Variants in NRXN3 observed in about 807,000 individuals in gnomAD.
The protein encoded by NRXN3 is neurexin 3.
A neutral mutation model predicts 137.6 loss-of-function variants in NRXN3; 32 were observed. The observed-to-expected ratio is 0.23, with a 90% confidence interval of 0.18 to 0.31. The LOEUF (loss-of-function observed/expected upper bound fraction) is 0.31. Ranked by LOEUF, NRXN3 falls within the 10% of genes least tolerant of loss-of-function variation. The pLI, the probability that NRXN3 is intolerant of heterozygous loss-of-function variation, is 1.00. For missense variants in NRXN3, 1,574 were observed against 2,062.5 expected (o/e 0.76, Z 4.59); for synonymous variants, 798 against 784.5 (o/e 1.02, Z -0.29).
rs10599873 is a variant in NRXN3 at position 79,761,684 on chromosome 14, CAAAAAA to C, written c.4015-43408_4015-43403del. The stretch of plus-strand genomic sequence containing the variant: ...CTGGCAACAAAGCGAGACTCTGTCT[CAAAAAA>C]AAAAAAAAAAAAAAAAAAATAGATC... On this transcript the variant is annotated intron_variant, in intron 19 of 20. Transcript: ENST00000335750. 2.5e-5 allele frequency among the ~76,000 whole-genome samples: 2 copies of C among 78,906 alleles called. 1 individual carries two copies. The highest frequency in any genetic ancestry group is 1.1e-4 in the African/African-American group (2 of 18,892). 51.8% of individuals were successfully genotyped at this position (78,906 alleles called of 152,430 possible).
chr14:78,804,313 G>C (rs2098848238), intron 9 of NRXN3, among the ~76,000 whole-genome samples: 1 of 152,176 alleles, frequency 6.6e-6, no homozygotes, highest in Non-Finnish European at 1.5e-5. Context: ...TATTCAAATG[G>C]AGAATTCTGG....
At chr14:79,761,381 A>T (rs1208303781) in intron 19 of NRXN3, among the ~76,000 whole-genome samples, 1 of 151,650 alleles carries the variant, frequency 6.6e-6, no homozygotes, top group Non-Finnish European at 1.5e-5. Flanking sequence ...AGAGAACTGC[A>T]TTCTATTTTT....
At chr14:78,844,717 C>T (rs571154018) in intron 10 of NRXN3, among the ~76,000 whole-genome samples, 1 of 152,000 alleles carries the variant, frequency 6.6e-6, no homozygotes, top group Non-Finnish European at 1.5e-5. Flanking sequence ...CTGGCCTATA[C>T]TTAGTTAAGA....
chr14:79,227,808 C>CCTT, intron 15 of NRXN3, among the ~76,000 whole-genome samples: 1 of 79,250 alleles, frequency 1.3e-5, no homozygotes, highest in South Asian at 5.7e-4. Flanking sequence ...CTCCCTTCCT[C>CCTT]CCTCCCTTCC....
chr14:79,153,648 G>T (rs2059996429), intron 15 of NRXN3, among the ~76,000 whole-genome samples: 1 of 151,876 alleles, frequency 6.6e-6, no homozygotes. Flanking sequence ...AGGTTTCTCA[G>T]GAGAACATAC....
At chr14:79,584,638 G>A (rs1000619453) in intron 16 of NRXN3, among the ~76,000 whole-genome samples, 1 of 152,190 alleles carries the variant, frequency 6.6e-6, no homozygotes. Context: ...TCGGAGAATA[G>A]ATTATTTCTC....
intron 10 of NRXN3, among the ~76,000 whole-genome samples, chr14:78,834,077 G>C (rs541483406): frequency 6.6e-6 from 1 of 152,178 alleles, no homozygotes; most frequent in Non-Finnish European, 1.5e-5. Context: ...AGGACAGAAA[G>C]AATGTATGTA....
At chr14:78,322,378 C>A (rs2079492339) in intron 4 of NRXN3, among the ~76,000 whole-genome samples, 1 of 151,952 alleles carries the variant, frequency 6.6e-6, no homozygotes, top group Non-Finnish European at 1.5e-5. Flanking sequence ...ACATCCTTTG[C>A]CTTGCTCTTG....
rs17757028 is a variant in NRXN3 at position 78,628,691 on chromosome 14, A to G, written c.758-16429A>G. On this transcript the variant is annotated intron_variant, in intron 4 of 20. Transcript: ENST00000335750. ...CATAAAGGATATGTAATCTGGTTAT[A>G]TTGGTAGTTCTGCTGTCTTGCCATA... is the stretch of plus-strand genomic sequence containing the variant. 8.5e-3 allele frequency among the ~76,000 whole-genome samples: 1,299 copies of G among 152,294 alleles called. 9 individuals are homozygous for G. The highest frequency in any genetic ancestry group is 0.015 in the Non-Finnish European group (1,001 of 68,028).
chr14:78,494,073 T>G (rs1169934168), intron 4 of NRXN3, among the ~76,000 whole-genome samples: 1 of 152,214 alleles, frequency 6.6e-6, no homozygotes, highest in East Asian at 1.9e-4. Flanking sequence ...TTAAAGAGAC[T>G]GCTGCCAGAA....
rs192641505 is a variant in NRXN3, at chr14:79,739,864, A to G, written c.4014+41927A>G. Among the ~76,000 whole-genome samples, 373 of 152,186 alleles carry G rather than the reference A, an allele frequency of 2.5e-3. 2 individuals carry two copies. The highest frequency in any genetic ancestry group is 1.3e-3 in the Non-Finnish European group (91 of 68,004). The stretch of plus-strand genomic sequence containing the variant: ...CCTGTTTCAAAGAATACCATCTTTA[A>G]TGTCTTTCACAGGTACCTATCCTCC... On this transcript the variant is annotated intron_variant, in intron 19 of 20. Coordinates refer to ENST00000335750, the MANE Select transcript of NRXN3 (RefSeq NM_001330195.2).
rs867090473 is a variant in NRXN3 at position 79,035,535 on chromosome 14, A to G, written c.3262+47394A>G. Among the ~76,000 whole-genome samples the G allele has an allele frequency of 4.6e-5, 7 of 152,242 alleles. No homozygotes were observed. The Middle Eastern group carries it at 0.024, about 518-fold the overall frequency. On this transcript the variant is annotated intron_variant, in intron 15 of 20. Transcript: ENST00000335750. ...AGATTTTTGGTAAAATATGCTATAT[A>G]CTTATACAGCATCTTAATCTCAGAA...
intron 6 of NRXN3, among the ~76,000 whole-genome samples, chr14:78,698,986 T>C (rs984513763): frequency 6.6e-6 from 1 of 152,068 alleles, no homozygotes; most frequent in Non-Finnish European, 1.5e-5. Context: ...GTGATTTTCC[T>C]TGCTCTTCTT....
rs144258719 is a variant in NRXN3 at position 78,651,239 on chromosome 14, C to T, written c.1134C>T (p.Asp378=). Residue 378 remains aspartate, a synonymous_variant, in exon 6 of 21, where the codon GAC becomes GAT. Coordinates refer to ENST00000335750, the MANE Select transcript of NRXN3 (RefSeq NM_001330195.2). The stretch of plus-strand genomic sequence containing the variant: ...AGGACTATACCATGCTGGGCTCGGA[C>T]GACTTCTTCTATGTAGGAGGAAGCC... ...TQEDYTMLGS[D]DFFYVGGSPS... 2.5e-4 allele frequency: 399 copies of T among 1,613,984 alleles called. 3 individuals carry two copies. In the Admixed American group the frequency reaches 4.2e-3, roughly 17 times the overall value.
At chr14:79,412,782 C>CAAAAAAAAA (rs71103803) in intron 15 of NRXN3, among the ~76,000 whole-genome samples, 2 of 59,738 alleles carry the variant, frequency 3.3e-5, no homozygotes, top group African/African-American at 6.4e-5. Flanking sequence ...GACTCTGTCT[C>CAAAAAAAAA]AAAAAAAAAA....
At chr14:78,291,857 C>A (rs1298052331) in intron 3 of NRXN3, among the ~76,000 whole-genome samples, 1 of 152,176 alleles carries the variant, frequency 6.6e-6, no homozygotes, top group African/African-American at 2.4e-5. Flanking sequence ...ACTCTGAAAG[C>A]GAGTGAAATA....
intron 16 of NRXN3, among the ~76,000 whole-genome samples, chr14:79,591,123 T>C (rs557489852): frequency 6.6e-6 from 1 of 152,360 alleles, no homozygotes; most frequent in South Asian, 2.1e-4. Context: ...AAGAGCTTTG[T>C]TATAAATTTA....
chr14:78,637,517 T>C (rs2097577569), intron 4 of NRXN3, among the ~76,000 whole-genome samples: 1 of 152,220 alleles, frequency 6.6e-6, no homozygotes, highest in Admixed American at 6.5e-5. Context: ...CCAAGAACTT[T>C]ATTGTATTCC....
chr14:78,636,603 T>TC (rs2097569236), intron 4 of NRXN3, among the ~76,000 whole-genome samples: 3 of 152,050 alleles, frequency 2.0e-5, no homozygotes, highest in Non-Finnish European at 4.4e-5. Context: ...GAAAATGGAT[T>TC]CCCCTCTGTA....
Sources: allele counts gnomAD v4.1 joint callset (sites outside exome capture counted in the v4.1 genomes callset), GRCh38; gene constraint gnomAD v4.1.1; transcripts MANE v1.5; gene names NCBI Gene and HGNC (gene_info 2026-07-23, HGNC 2026-07-21).